IGSF5: variants seen among roughly 807,000 people sequenced by gnomAD.
IGSF5 encodes the protein immunoglobulin superfamily 5 like.
IGSF5 carries 41 observed loss-of-function variants against 39.4 expected under a neutral mutation model. The ratio of observed to expected loss-of-function variants is 1.04; its 90% CI spans 0.81 to 1.35. IGSF5 has a LOEUF of 1.35. Ranked by LOEUF, IGSF5 falls within the 40% of genes most tolerant of loss-of-function variation. The probability of loss-of-function intolerance (pLI) is 0.00; values close to 1 mark genes in which losing one functional copy is unlikely to be tolerated. For missense variants in IGSF5, 487 were observed against 494.6 expected (o/e 0.98, Z 0.15); for synonymous variants, 183 against 175.3 (o/e 1.04, Z -0.34).
At chr21:39,731,997 C>T in the IGSF5 span, among the ~76,000 whole-genome samples, 1 of 152,162 alleles carries the variant, frequency 6.6e-6, no homozygotes, top group Non-Finnish European at 1.5e-5. Context: ...AATCCAGCAG[C>T]CATGCTGTGA....
chr21:39,754,435 A>C (rs1283838755), intron 2 of IGSF5, among the ~76,000 whole-genome samples: 1 of 152,180 alleles, frequency 6.6e-6, no homozygotes, highest in Non-Finnish European at 1.5e-5. Flanking sequence ...TGCCCCAAAC[A>C]TGACATTTTC....
At chr21:39,727,292 T>C in the IGSF5 span, among the ~76,000 whole-genome samples, 1 of 152,142 alleles carries the variant, frequency 6.6e-6, no homozygotes, top group African/African-American at 2.4e-5. Context: ...AATATGACTA[T>C]CACTGGGTCC....
At chr21:39,767,029 A>G (rs1394615681) in intron 3 of IGSF5, among the ~76,000 whole-genome samples, 1 of 152,070 alleles carries the variant, frequency 6.6e-6, no homozygotes, top group Non-Finnish European at 1.5e-5. Flanking sequence ...TGTGTTTTTA[A>G]TTTTGTGTAG....
chr21:39,724,092 T>C, the IGSF5 span, among the ~76,000 whole-genome samples: 1 of 137,228 alleles, frequency 7.3e-6, no homozygotes, highest in East Asian at 3.1e-4. Flanking sequence ...TAAAATAAAA[T>C]AAAATAAAAT....
At chr21:39,714,336 A>G in the IGSF5 span, among the ~76,000 whole-genome samples, 1 of 152,222 alleles carries the variant, frequency 6.6e-6, no homozygotes, top group African/African-American at 2.4e-5. Flanking sequence ...CCTTGCATCT[A>G]CTGTTTCCCT....
intron 2 of IGSF5, among the ~76,000 whole-genome samples, chr21:39,749,147 AGGAGAAGGGG>A (rs1371509193): frequency 6.6e-6 from 1 of 152,060 alleles, no homozygotes; most frequent in East Asian, 1.9e-4. Context: ...GTTGTAGGGG[AGGAGAAGGGG>A]GGAGAAAGGC....
the IGSF5 span, among the ~76,000 whole-genome samples, chr21:39,734,346 C>T: frequency 2.7e-5 from 4 of 150,756 alleles, no homozygotes. Flanking sequence ...TCGCTTGAAC[C>T]CGGGAGGCGG....
Position 39,801,343 on chromosome 21 carries a change from A to G in IGSF5, c.1210A>G (p.Thr404Ala), listed in dbSNP as rs1444193687. ...GGCCAGTCCTGAGAAGGTCAGTAAT[A>G]CAACTGTAGTATAGCAAAGCCTTCC... Reference protein sequence around the residue: ...NLASPEKVSNTTVV With the variant: ...NLASPEKVSNATVV The change falls in exon 9 of 9, where the codon ACA becomes GCA. Residue 404 changes from threonine to alanine, a missense_variant. Coordinates refer to ENST00000380588, the MANE Select transcript of IGSF5 (RefSeq NM_001080444.2). The G allele has an allele frequency of 6.2e-7, 1 of 1,613,128 alleles. No individual in the cohort carries two copies. Among genetic ancestry groups the G allele is most frequent in the African/African-American group, 1.3e-5 (1 of 74,918 alleles).
chr21:39,781,693 ATC>A (rs2080171418), intron 5 of IGSF5, among the ~76,000 whole-genome samples: 1 of 152,214 alleles, frequency 6.6e-6, no homozygotes, highest in Admixed American at 6.5e-5. Context: ...AAGAAATGGT[ATC>A]TCAGCATAGT....
At chr21:39,773,654 C>T (rs1277226863) in intron 4 of IGSF5, among the ~76,000 whole-genome samples, 1 of 152,096 alleles carries the variant, frequency 6.6e-6, no homozygotes, top group Non-Finnish European at 1.5e-5. Flanking sequence ...GCACCTGGAC[C>T]AGTAAGGTGT....
chr21:39,764,104 C>A (rs948706397), intron 2 of IGSF5, among the ~76,000 whole-genome samples: 2 of 152,074 alleles, frequency 1.3e-5, no homozygotes. Context: ...TCTCCCGGGA[C>A]CTAAAGCCAG....
chr21:39,723,222 T>C, the IGSF5 span, among the ~76,000 whole-genome samples: 1 of 152,208 alleles, frequency 6.6e-6, no homozygotes, highest in Non-Finnish European at 1.5e-5. Context: ...GAAGCTCACA[T>C]GGCTATTGGC....
At chr21:39,783,494 T>C (rs896600659) in intron 5 of IGSF5, among the ~76,000 whole-genome samples, 1 of 152,242 alleles carries the variant, frequency 6.6e-6, no homozygotes, top group African/African-American at 2.4e-5. Flanking sequence ...ATACATTTGT[T>C]GACCATTTAC....
chr21:39,713,574 A>G, the IGSF5 span, among the ~76,000 whole-genome samples: 2 of 152,306 alleles, frequency 1.3e-5, no homozygotes, highest in South Asian at 2.1e-4. Flanking sequence ...CAGCAGGGAC[A>G]CTTGCACCTC....
chr21:39,775,783 A>G (rs1351174517), intron 4 of IGSF5, among the ~76,000 whole-genome samples: 4 of 152,212 alleles, frequency 2.6e-5, no homozygotes, highest in Non-Finnish European at 5.9e-5. Context: ...CACCTGAGCC[A>G]GACACACCCA....
chr21:39,765,389 C>T, intron 2 of IGSF5, 146 bp from the exon 3 acceptor site: 3 of 677,514 alleles, frequency 4.4e-6, no homozygotes, highest in Non-Finnish European at 7.4e-6. Flanking sequence ...CCAGGGAGAG[C>T]TGGTGTTCGG....
intron 4 of IGSF5, among the ~76,000 whole-genome samples, chr21:39,773,675 C>T (rs1379404003): frequency 2.0e-5 from 3 of 152,160 alleles, no homozygotes; most frequent in Non-Finnish European, 2.9e-5. Flanking sequence ...TCCAGTCTCA[C>T]TTTGCACTTC....
At chr21:39,784,332 T>C (rs1231031525) in intron 5 of IGSF5, among the ~76,000 whole-genome samples, 3 of 152,196 alleles carry the variant, frequency 2.0e-5, no homozygotes, top group Non-Finnish European at 4.4e-5. Context: ...TGTGGAGTAG[T>C]TGGAGAAATT....
chr21:39,796,873 C>G (rs1410615556), intron 8 of IGSF5, among the ~76,000 whole-genome samples: 2 of 152,186 alleles, frequency 1.3e-5, no homozygotes, highest in Non-Finnish European at 2.9e-5. Flanking sequence ...CATGGAGATG[C>G]GGCAGGCACA....
Sources: allele counts gnomAD v4.1 joint callset (sites outside exome capture counted in the v4.1 genomes callset), GRCh38; gene constraint gnomAD v4.1.1; transcripts MANE v1.5; gene names NCBI Gene and HGNC (gene_info 2026-07-23, HGNC 2026-07-21).